Variants in GALNT13 observed in about 807,000 individuals in gnomAD.
The protein encoded by GALNT13 is UDP-GalNAc:polypeptide N-acetylgalactosaminyltransferase 13.
Under a neutral mutation model 64.2 loss-of-function variants are expected in GALNT13, and 28 were observed. That is an observed-to-expected ratio of 0.44 (90% confidence interval 0.32 to 0.60). The LOEUF (loss-of-function observed/expected upper bound fraction) is 0.60. Among genes scored for constraint, GALNT13 ranks in the 20% least tolerant of loss-of-function variants. The pLI is 0.05. For synonymous variants in GALNT13, 214 were observed against 224.6 expected (o/e 0.95, Z 0.42); for missense variants, 577 against 669.8 (o/e 0.86, Z 1.53).
chr2:153,232,680 T>C, the GALNT13 span, among the ~76,000 whole-genome samples: 1 of 152,244 alleles, frequency 6.6e-6, no homozygotes, highest in Non-Finnish European at 1.5e-5. Context: ...CTGAGGGGAC[T>C]GGCTGACAGA....
At chr2:154,054,643 A>T (rs1337921585) in intron 3 of GALNT13, among the ~76,000 whole-genome samples, 1 of 151,972 alleles carries the variant, frequency 6.6e-6, no homozygotes, top group East Asian at 1.9e-4. Context: ...TACAAAATTG[A>T]ATATCCTTCT....
At chr2:154,306,723 G>A (rs1267721827) in intron 9 of GALNT13, among the ~76,000 whole-genome samples, 1 of 151,756 alleles carries the variant, frequency 6.6e-6, no homozygotes, top group Non-Finnish European at 1.5e-5. Context: ...TGGGATCACA[G>A]AACTGGTTGA....
intron 11 of GALNT13, chr2:154,437,342 G>A: frequency 4.0e-6 from 1 of 250,342 alleles, no homozygotes; most frequent in Non-Finnish European, 7.8e-6. Context: ...ACTCTTCCAA[G>A]ACTAACTCGT....
the GALNT13 span, among the ~76,000 whole-genome samples, chr2:153,717,617 A>G: frequency 6.6e-6 from 1 of 152,216 alleles, no homozygotes; most frequent in African/African-American, 2.4e-5. Flanking sequence ...TTATATTTAT[A>G]GTTAATTTTA....
chr2:153,509,248 G>T, the GALNT13 span, among the ~76,000 whole-genome samples: 1 of 152,238 alleles, frequency 6.6e-6, no homozygotes, highest in Non-Finnish European at 1.5e-5. Context: ...GCCTCAGTCA[G>T]CAGCCATGGC....
chr2:154,201,480 G>A (rs1055769303), intron 4 of GALNT13, among the ~76,000 whole-genome samples: 1 of 152,012 alleles, frequency 6.6e-6, no homozygotes, highest in Non-Finnish European at 1.5e-5. Flanking sequence ...CATTAGTAAC[G>A]ATGACACACA....
At chr2:154,367,972 G>T (rs1697465252) in intron 9 of GALNT13, among the ~76,000 whole-genome samples, 1 of 152,124 alleles carries the variant, frequency 6.6e-6, no homozygotes, top group Non-Finnish European at 1.5e-5. Context: ...CAGAACTATA[G>T]TTGAATAAAA....
At chr2:153,476,344 T>C in the GALNT13 span, among the ~76,000 whole-genome samples, 1 of 152,258 alleles carries the variant, frequency 6.6e-6, no homozygotes. Context: ...GTTACTCTTA[T>C]AGCTGCCATT....
chr2:153,725,655 G>A, the GALNT13 span, among the ~76,000 whole-genome samples: 2 of 151,992 alleles, frequency 1.3e-5, no homozygotes, highest in African/African-American at 4.8e-5. Flanking sequence ...CTACCCCATA[G>A]TGTCCAAAAA....
the GALNT13 span, among the ~76,000 whole-genome samples, chr2:153,182,809 T>C: frequency 3.3e-5 from 5 of 152,246 alleles, no homozygotes; most frequent in Non-Finnish European, 1.5e-5. Context: ...TGTTTATGGC[T>C]GCATATTATT....
the GALNT13 span, among the ~76,000 whole-genome samples, chr2:153,301,904 T>TGTGTGG: frequency 1.1e-4 from 16 of 151,514 alleles, no homozygotes; most frequent in African/African-American, 3.9e-4. Context: ...TGTGTGTGTG[T>TGTGTGG]GTGTGTGTAT....
the GALNT13 span, among the ~76,000 whole-genome samples, chr2:153,404,945 A>C: frequency 1.8e-4 from 28 of 152,166 alleles, no homozygotes; most frequent in Admixed American, 3.3e-4. Flanking sequence ...CTTCCGGGCA[A>C]AGCCTCTGTT....
chr2:153,431,422 A>G, the GALNT13 span, among the ~76,000 whole-genome samples: 3 of 152,178 alleles, frequency 2.0e-5, no homozygotes, highest in South Asian at 2.1e-4. Flanking sequence ...GAGCTTGTCA[A>G]TAGTGGCTTT....
At chr2:153,715,892 G>A in the GALNT13 span, among the ~76,000 whole-genome samples, 1 of 143,800 alleles carries the variant, frequency 7.0e-6, no homozygotes, top group Admixed American at 7.1e-5. Context: ...AGCCACAATT[G>A]CAAACTGATG....
intron 9 of GALNT13, among the ~76,000 whole-genome samples, chr2:154,363,126 T>C (rs577792743): frequency 6.6e-6 from 1 of 152,300 alleles, no homozygotes; most frequent in Admixed American, 6.5e-5. Context: ...TCAGAATCCA[T>C]TGTTTGTTTT....
chr2:153,361,875 A>G, the GALNT13 span, among the ~76,000 whole-genome samples: 1 of 152,236 alleles, frequency 6.6e-6, no homozygotes, highest in South Asian at 2.1e-4. Flanking sequence ...TACAGAGAAC[A>G]CCACTAGGAT....
At position 154,079,892 on chromosome 2, in the gene GALNT13, G is replaced by A. The variant is rs117315375; in HGVS notation, c.143-60445G>A. 2.4e-3 allele frequency among the ~76,000 whole-genome samples: 363 copies of A among 151,656 alleles called. 8 individuals carry two copies. In the East Asian group the frequency reaches 0.054, roughly 23 times the overall value. ...ATTACTTTGCCCCTCCATTGGAGAA[G>A]GAATATTAAGGAAAATTTACATTAC... is the stretch of plus-strand genomic sequence containing the variant. On this transcript the variant is annotated intron_variant, in intron 3 of 12. Coordinates refer to ENST00000392825, the MANE Select transcript of GALNT13 (RefSeq NM_052917.4).
At chr2:153,611,406 T>C in the GALNT13 span, among the ~76,000 whole-genome samples, 1 of 152,100 alleles carries the variant, frequency 6.6e-6, no homozygotes, top group Admixed American at 6.6e-5. Flanking sequence ...TTTTGCTTTG[T>C]AGCTCAGGCT....
At chr2:153,219,641 T>C in the GALNT13 span, among the ~76,000 whole-genome samples, 1 of 152,222 alleles carries the variant, frequency 6.6e-6, no homozygotes, top group South Asian at 2.1e-4. Context: ...TAGTGTACAA[T>C]TTAGTATCTA....
Sources: gnomAD v4.1 joint callset for allele counts (sites outside exome capture counted in the v4.1 genomes callset) on GRCh38, gnomAD v4.1.1 for gene constraint, MANE v1.5 for transcripts, NCBI Gene and HGNC (gene_info 2026-07-23, HGNC 2026-07-21) for gene names.